MPP7: variants seen among roughly 807,000 people sequenced by gnomAD.
The protein encoded by MPP7 is MAGUK p55 scaffold protein 7.
In MPP7, 60 loss-of-function variants were observed where a neutral mutation model predicts 76.5. The ratio of observed to expected loss-of-function variants is 0.78; its 90% confidence interval spans 0.64 to 0.97. MPP7 has a LOEUF of 0.97. Among genes scored for constraint, MPP7 ranks in the 50% least tolerant of loss-of-function variants. The pLI is 0.00. For missense variants in MPP7, 641 were observed against 694.0 expected, an observed-to-expected ratio of 0.92 and a Z score of 0.86; for synonymous variants, 237 against 244.5, an observed-to-expected ratio of 0.97 and a Z score of 0.29.
intron 3 of MPP7, among the ~76,000 whole-genome samples, chr10:28,159,863 C>T (rs1329983776): frequency 6.6e-6 from 1 of 152,144 alleles, no homozygotes. Context: ...TTGGAAAATA[C>T]TGCTTCACTA....
At chr10:28,136,510 A>C (rs1165568378) in intron 5 of MPP7, among the ~76,000 whole-genome samples, 3 of 152,200 alleles carry the variant, frequency 2.0e-5, no homozygotes, top group Admixed American at 2.0e-4. Context: ...AAACAATGAA[A>C]CCAAATACTG....
chr10:28,126,360 AT>A (rs1835018208), intron 6 of MPP7, among the ~76,000 whole-genome samples: 1 of 152,216 alleles, frequency 6.6e-6, no homozygotes, highest in Non-Finnish European at 1.5e-5. Flanking sequence ...GTTTGATTAA[AT>A]CAACTTTCAT....
chr10:28,060,330 A>T (rs1424995618), intron 13 of MPP7, among the ~76,000 whole-genome samples: 2 of 152,202 alleles, frequency 1.3e-5, no homozygotes, highest in Non-Finnish European at 2.9e-5. Context: ...CTAATTATTT[A>T]TTAACGAACT....
At position 28,323,584 on chromosome 10, in the gene MPP7, C is replaced by G. The variant is rs998997620; in HGVS notation, c.-132+6345G>C. On this transcript the variant is annotated intron_variant, in intron 2 of 11. Transcript: ENST00000441595. ...AATGGGCTAGGCACAGTGGCTCAAG[C>G]CTGTAATCCCAGTACTTGGGGAGGC... Among the ~76,000 whole-genome samples, 5 of 152,258 alleles carry G rather than the reference C, an allele frequency of 3.3e-5. No homozygotes were observed. The East Asian group carries it at 5.8e-4, about 18-fold the overall frequency.
chr10:28,276,425 G>A (rs568552267), intron 1 of MPP7, among the ~76,000 whole-genome samples: 12 of 152,206 alleles, frequency 7.9e-5, no homozygotes, highest in African/African-American at 2.7e-4. Context: ...GGCTACCAAA[G>A]TAATCTAATA....
chr10:28,153,161 G>C (rs2133788636), intron 3 of MPP7, among the ~76,000 whole-genome samples: 1 of 152,218 alleles, frequency 6.6e-6, no homozygotes, highest in Non-Finnish European at 1.5e-5. Flanking sequence ...GGCTGAGGCA[G>C]AAGAATGGCT....
intron 1 of MPP7, among the ~76,000 whole-genome samples, chr10:28,283,943 A>G (rs1840738822): frequency 6.6e-6 from 1 of 152,236 alleles, no homozygotes; most frequent in South Asian, 2.1e-4. Context: ...AAATAAGACT[A>G]AATTTAAATA....
intron 2 of MPP7, among the ~76,000 whole-genome samples, chr10:28,317,938 A>G (rs997639744): frequency 1.3e-5 from 2 of 152,224 alleles, no homozygotes; most frequent in Non-Finnish European, 2.9e-5. Flanking sequence ...GTGTCATAAT[A>G]AAAATACAAA....
At chr10:28,152,516 G>A (rs1780371819) in intron 3 of MPP7, among the ~76,000 whole-genome samples, 2 of 152,142 alleles carry the variant, frequency 1.3e-5, no homozygotes, top group Non-Finnish European at 2.9e-5. Flanking sequence ...TCACCCCAAG[G>A]CTATCCAACA....
intron 2 of MPP7, among the ~76,000 whole-genome samples, chr10:28,233,545 A>T (rs973566394): frequency 1.4e-4 from 19 of 131,760 alleles, no homozygotes; most frequent in Middle Eastern, 3.3e-3. Context: ...CGTCTCTATT[A>T]AAAAAAAACA....
intron 14 of MPP7, among the ~76,000 whole-genome samples, chr10:28,059,209 G>A (rs752070961): frequency 7.2e-5 from 11 of 152,154 alleles, no homozygotes; most frequent in East Asian, 1.9e-4. Context: ...TAGAGAAGAC[G>A]GTACCAGCAA....
chr10:28,102,715 T>C (rs1853882377), intron 11 of MPP7, among the ~76,000 whole-genome samples: 2 of 152,202 alleles, frequency 1.3e-5, no homozygotes, highest in Admixed American at 6.5e-5. Context: ...TTTGCCACTT[T>C]GTAGGGAAAT....
chr10:28,309,120 A>G (rs1214170790), intron 2 of MPP7, among the ~76,000 whole-genome samples: 2 of 152,216 alleles, frequency 1.3e-5, no homozygotes, highest in African/African-American at 4.8e-5. Flanking sequence ...AAGGAAACAG[A>G]ACTCTGAATC....
At chr10:28,229,984 G>A (rs757819235) in intron 2 of MPP7, among the ~76,000 whole-genome samples, 3 of 152,132 alleles carry the variant, frequency 2.0e-5, no homozygotes, top group Non-Finnish European at 2.9e-5. Context: ...ACATGACACA[G>A]TAGCATGTAA....
At position 28,182,076 on chromosome 10, in the gene MPP7, G is replaced by C. The variant is rs115836144; in HGVS notation, c.156+20077C>G. On this transcript the variant is annotated intron_variant, in intron 3 of 16. Coordinates refer to ENST00000683449, the MANE Select transcript of MPP7 (RefSeq NM_001318170.2). ...ATGATAAATTATCGGAAAGAGTGGAGTGAGCCCAGACCAGGAGATAATTTA... is the reference window on the plus strand; with the variant it reads ...ATGATAAATTATCGGAAAGAGTGGACTGAGCCCAGACCAGGAGATAATTTA... Among the ~76,000 whole-genome samples, 1,038 of 152,184 alleles carry C rather than the reference G, an allele frequency of 6.8e-3. 11 individuals carry two copies. Among genetic ancestry groups the C allele is most frequent in the African/African-American group, 0.024 (977 of 41,510 alleles).
chr10:28,219,008 T>A (rs1398446582), intron 2 of MPP7, among the ~76,000 whole-genome samples: 1 of 152,126 alleles, frequency 6.6e-6, no homozygotes, highest in Non-Finnish European at 1.5e-5. Context: ...GATCTATTGA[T>A]CTAACTATAT....
intron 3 of MPP7, among the ~76,000 whole-genome samples, chr10:28,157,043 C>G (rs1270095079): frequency 6.6e-6 from 1 of 151,972 alleles, no homozygotes; most frequent in Non-Finnish European, 1.5e-5. Context: ...AACCCTGTCT[C>G]TACCAAAAAT....
At chr10:28,285,077 T>C (rs1294783783) in intron 1 of MPP7, among the ~76,000 whole-genome samples, 2 of 152,200 alleles carry the variant, frequency 1.3e-5, no homozygotes, top group African/African-American at 4.8e-5. Flanking sequence ...ACCAATTTAA[T>C]TTACACAACC....
At chr10:28,077,344 A>C (rs1443564918) in intron 12 of MPP7, among the ~76,000 whole-genome samples, 1 of 151,508 alleles carries the variant, frequency 6.6e-6, no homozygotes, top group East Asian at 1.9e-4. Context: ...CATCATCTTC[A>C]AAGGTAGAAG....
Sources: gnomAD v4.1 joint callset for allele counts (sites outside exome capture counted in the v4.1 genomes callset) on GRCh38, gnomAD v4.1.1 for gene constraint, MANE v1.5 for transcripts, NCBI Gene and HGNC (gene_info 2026-07-23, HGNC 2026-07-21) for gene names.